Variants in RNF169 observed in about 807,000 individuals in gnomAD.
RNF169 encodes ring finger protein 169, also known as E3 ubiquitin-protein ligase RNF169.
In RNF169, 24 loss-of-function variants were observed where a neutral mutation model predicts 53.9. That is an observed-to-expected ratio of 0.45 (90% CI 0.32 to 0.63). RNF169 has a LOEUF of 0.63. Among genes scored for constraint, RNF169 ranks in the 20% least tolerant of loss-of-function variants. RNF169 has a pLI of 0.04. For synonymous variants in RNF169, 396 were observed against 363.5 expected, an observed-to-expected ratio of 1.09 and a Z score of -1.02; for missense variants, 883 against 906.2, an observed-to-expected ratio of 0.97 and a Z score of 0.33.
At chr11:74,749,418 G>A (rs773718371) in intron 1 of RNF169, 36 bp downstream of exon 1, 2 of 1,231,598 alleles carry the variant, frequency 1.6e-6, no homozygotes, top group Admixed American at 3.4e-5. Flanking sequence ...GGTCTGGAGC[G>A]AGGCCGAGCG....
At chr11:74,774,116 G>A (rs2035297055) in intron 1 of RNF169, among the ~76,000 whole-genome samples, 1 of 152,146 alleles carries the variant, frequency 6.6e-6, no homozygotes, top group African/African-American at 2.4e-5. Flanking sequence ...GAGGCAGGCA[G>A]ATCACTTGAG....
At chr11:74,760,417 G>A (rs1364708298) in intron 1 of RNF169, among the ~76,000 whole-genome samples, 1 of 151,668 alleles carries the variant, frequency 6.6e-6, no homozygotes, top group East Asian at 1.9e-4. Context: ...TGTCAATTTT[G>A]GATCTTTCCT....
chr11:74,764,650 G>T (rs2035144474), intron 1 of RNF169, among the ~76,000 whole-genome samples: 1 of 152,204 alleles, frequency 6.6e-6, no homozygotes, highest in Non-Finnish European at 1.5e-5. Flanking sequence ...TGTAACTTAG[G>T]GGAGAAAGTA....
rs185698397 is a variant in RNF169, at chr11:74,838,144, C to G, written c.*1414C>G. ...TCTTCAAAGACTAGAAACACTGACT[C>G]CCAAAATGCTAGAACTGGAAGGGAC... On this transcript the variant is annotated 3_prime_UTR_variant, in exon 6 of 6. Transcript: ENST00000299563. 4.6e-5 allele frequency: 7 copies of G among 152,274 alleles called. No individual in the cohort carries two copies. Among genetic ancestry groups the G allele is most frequent in the African/African-American group, 1.7e-4 (7 of 41,540 alleles). The allele number at this position is 152,274 out of a possible 1,614,324, so 9.4% of individuals were successfully genotyped here.
intron 4 of RNF169, among the ~76,000 whole-genome samples, chr11:74,827,677 T>C (rs1322222200): frequency 6.6e-6 from 1 of 152,048 alleles, no homozygotes; most frequent in African/African-American, 2.4e-5. Context: ...TGGTTCAGCG[T>C]AGGCAAATCA....
chr11:74,772,973 T>C (rs1363522614), intron 1 of RNF169, among the ~76,000 whole-genome samples: 1 of 152,206 alleles, frequency 6.6e-6, no homozygotes, highest in African/African-American at 2.4e-5. Context: ...AATAGAAATA[T>C]TTAATCCGTA....
chr11:74,764,313 C>T (rs960190187), intron 1 of RNF169, among the ~76,000 whole-genome samples: 5 of 152,166 alleles, frequency 3.3e-5, no homozygotes, highest in Non-Finnish European at 7.3e-5. Context: ...GTGGGCGGAT[C>T]GCTCAAGGTC....
rs193288306 is a variant in RNF169 at position 74,764,221 on chromosome 11, C to T, written c.502+14839C>T. On this transcript the variant is annotated intron_variant, in intron 1 of 5. Transcript: ENST00000299563. ...TCAGCCTTGAGAGAGATCTGAATTT[C>T]ATACTCAGGTGAGTTATTCAAGAGT... 2.1e-3 allele frequency among the ~76,000 whole-genome samples: 314 copies of T among 152,350 alleles called. 1 individual carries two copies. The highest frequency in any genetic ancestry group is 7.2e-3 in the African/African-American group (299 of 41,574).
chr11:74,770,597 C>T (rs577547575), intron 1 of RNF169, among the ~76,000 whole-genome samples: 3 of 152,130 alleles, frequency 2.0e-5, no homozygotes, highest in Admixed American at 1.3e-4. Flanking sequence ...GAATAATGTA[C>T]ATGAGTATGT....
chr11:74,824,232 T>C (rs1199097133), intron 4 of RNF169, among the ~76,000 whole-genome samples: 1 of 152,092 alleles, frequency 6.6e-6, no homozygotes, highest in Non-Finnish European at 1.5e-5. Flanking sequence ...AAATAGAAAT[T>C]CTGGAGCTGA....
chr11:74,802,072 C>T (rs530754484), intron 2 of RNF169, among the ~76,000 whole-genome samples: 58 of 152,312 alleles, frequency 3.8e-4, no homozygotes, highest in African/African-American at 1.4e-3. Context: ...TTCTACAGCG[C>T]TCCCAAATTA....
intron 2 of RNF169, 59 bp from the exon 3 acceptor site, chr11:74,810,125 T>C: frequency 1.4e-6 from 2 of 1,455,842 alleles, no homozygotes; most frequent in Non-Finnish European, 1.9e-6. Flanking sequence ...CAGAGTAAAA[T>C]ATGTTTTTAA....
At chr11:74,766,837 G>T (rs1786213501) in intron 1 of RNF169, among the ~76,000 whole-genome samples, 1 of 152,182 alleles carries the variant, frequency 6.6e-6, no homozygotes, top group Non-Finnish European at 1.5e-5. Context: ...ATTGAAGGAT[G>T]GATGGTTCCA....
intron 2 of RNF169, among the ~76,000 whole-genome samples, chr11:74,790,035 A>T (rs2035558098): frequency 6.6e-6 from 1 of 152,162 alleles, no homozygotes; most frequent in African/African-American, 2.4e-5. Context: ...TCTTTATCTC[A>T]CAAGTTTCTT....
At chr11:74,789,359 C>T (rs2035549268) in intron 1 of RNF169, among the ~76,000 whole-genome samples, 1 of 152,038 alleles carries the variant, frequency 6.6e-6, no homozygotes, top group South Asian at 2.1e-4. Flanking sequence ...ATTTATCAAC[C>T]TCAGTGGGAT....
Position 74,761,945 on chromosome 11 carries a change from C to G in RNF169, c.502+12563C>G, listed in dbSNP as rs796270488. ...CCCCATCACTTTCAGGTATACCAAT[C>G]AGACGTAGATTTGGTCTTTTCACAT... On this transcript the variant is annotated intron_variant, in intron 1 of 5. Transcript: ENST00000299563. Among the ~76,000 whole-genome samples the G allele has an allele frequency of 5.4e-3, 810 of 149,770 alleles. 4 individuals are homozygous for G. Among genetic ancestry groups the G allele is most frequent in the Non-Finnish European group, 8.7e-3 (586 of 67,636 alleles).
chr11:74,772,333 T>C (rs1197139489), intron 1 of RNF169, among the ~76,000 whole-genome samples: 2 of 152,166 alleles, frequency 1.3e-5, no homozygotes, highest in East Asian at 3.8e-4. Flanking sequence ...GAGGTTTCTG[T>C]TTTCTGGTCT....
intron 4 of RNF169, chr11:74,830,732 G>A (rs1163448863): frequency 6.6e-6 from 1 of 152,010 alleles, no homozygotes; most frequent in Non-Finnish European, 1.5e-5. Flanking sequence ...AAAAGTAGAG[G>A]CCAAGATCTC....
rs1292706478 is a variant in RNF169, at chr11:74,835,654, T to C, written c.1051T>C (p.Phe351Leu). The C allele has an allele frequency of 1.2e-6, 2 of 1,614,046 alleles. No individual in the cohort carries two copies. The highest frequency in any genetic ancestry group is 2.7e-5 in the African/African-American group (2 of 74,920). ...CTTAACCATCGAAAAGCGTCTACCC[T>C]TCAGCTCCCTTTCATCCTTGGCTTC... ...PDLTIEKRLP[F>L]SSLSSLASLH... The change falls in exon 6 of 6, where the codon TTC becomes CTC. Residue 351 changes from phenylalanine to leucine, a missense_variant. By Grantham distance (22) the Phe-to-Leu change is conservative. Coordinates refer to ENST00000299563, the MANE Select transcript of RNF169 (RefSeq NM_001098638.2).
Sources: gnomAD v4.1 joint callset for allele counts (sites outside exome capture counted in the v4.1 genomes callset) on GRCh38, gnomAD v4.1.1 for gene constraint, MANE v1.5 for transcripts, NCBI Gene and HGNC (gene_info 2026-07-23, HGNC 2026-07-21) for gene names.